IFNGR2: variants seen among roughly 807,000 people sequenced by gnomAD.
The protein encoded by IFNGR2 is IFN-gamma receptor 2.
IFNGR2 carries 15 observed loss-of-function variants against 41.1 expected under a neutral mutation model. The ratio of observed to expected loss-of-function variants is 0.37; its 90% CI spans 0.24 to 0.56. IFNGR2 has a LOEUF of 0.56. Ranked by LOEUF, IFNGR2 falls within the 20% of genes least tolerant of loss-of-function variation. The pLI, the probability that IFNGR2 is intolerant of heterozygous loss-of-function variation, is 0.81. For synonymous variants in IFNGR2, 161 were observed against 171.6 expected (o/e 0.94, Z 0.48); for missense variants, 362 against 415.7 (o/e 0.87, Z 1.12).
chr21:33,407,850 C>A (rs1434399575), intron 1 of IFNGR2, among the ~76,000 whole-genome samples: 7 of 143,456 alleles, frequency 4.9e-5, no homozygotes, highest in African/African-American at 7.8e-5. Flanking sequence ...CACCGCACCC[C>A]CCCCCGCCAA....
intron 4 of IFNGR2, among the ~76,000 whole-genome samples, chr21:33,428,185 G>A (rs979658137): frequency 7.3e-5 from 11 of 149,950 alleles, no homozygotes; most frequent in African/African-American, 1.7e-4. Flanking sequence ...TCTGCCACAC[G>A]CTTTGTATCT....
intron 1 of IFNGR2, among the ~76,000 whole-genome samples, chr21:33,406,222 G>A (rs1011004083): frequency 1.3e-5 from 2 of 151,496 alleles, no homozygotes; most frequent in African/African-American, 2.4e-5. Flanking sequence ...CTAAAACTAC[G>A]AAAATTACCC....
rs2123363970 is a variant in IFNGR2 at position 33,429,984 on chromosome 21, C to T, written c.562-2193C>T. Among the ~76,000 whole-genome samples the T allele has an allele frequency of 1.3e-5, 2 of 152,142 alleles. 1 individual carries two copies. Among genetic ancestry groups the T allele is most frequent in the South Asian group, 4.2e-4 (2 of 4,818 alleles). On this transcript the variant is annotated intron_variant, in intron 4 of 6. Transcript: ENST00000290219. ...TGAAAACCCATCTCTACTAAAAATA[C>T]AAAAATTAGCCAGGCGTGGTGGTGG...
intron 1 of IFNGR2, among the ~76,000 whole-genome samples, chr21:33,410,252 C>T: frequency 6.6e-6 from 1 of 151,248 alleles, no homozygotes; most frequent in East Asian, 1.9e-4. Flanking sequence ...CTGCAGCCTC[C>T]ACCTCCCAGG....
intron 1 of IFNGR2, 44 bp downstream of exon 1, chr21:33,403,660 G>T: frequency 8.0e-7 from 1 of 1,255,920 alleles, no homozygotes. Flanking sequence ...GGGCGCAGCC[G>T]CAGCATGTGG....
At chr21:33,423,165 G>A (rs1205469677) in intron 3 of IFNGR2, among the ~76,000 whole-genome samples, 19 of 144,328 alleles carry the variant, frequency 1.3e-4, no homozygotes, top group Non-Finnish European at 2.6e-4. Flanking sequence ...TCAGCCTCCC[G>A]AGTAGCTGGG....
intron 1 of IFNGR2, 58 bp downstream of exon 1, chr21:33,403,674 C>T: frequency 1.9e-6 from 2 of 1,043,446 alleles, no homozygotes; most frequent in Non-Finnish European, 2.5e-6. Flanking sequence ...CATGTGGGGG[C>T]TGGGGGACTC....
intron 3 of IFNGR2, among the ~76,000 whole-genome samples, chr21:33,425,819 T>TA (rs1215302798): frequency 2.0e-5 from 3 of 152,178 alleles, no homozygotes; most frequent in Non-Finnish European, 4.4e-5. Flanking sequence ...ATCATACACC[T>TA]AACCCTCACC....
At chr21:33,413,220 A>G (rs1324079663) in intron 1 of IFNGR2, among the ~76,000 whole-genome samples, 1 of 152,152 alleles carries the variant, frequency 6.6e-6, no homozygotes, top group Non-Finnish European at 1.5e-5. Flanking sequence ...TTGCTAGGTC[A>G]TAGCAGCCAC....
At chr21:33,405,079 G>C (rs182366470) in intron 1 of IFNGR2, among the ~76,000 whole-genome samples, 1 of 148,624 alleles carries the variant, frequency 6.7e-6, no homozygotes, top group East Asian at 2.0e-4. Flanking sequence ...TCCCGCCTGG[G>C]CGACAGAGCA....
intron 4 of IFNGR2, among the ~76,000 whole-genome samples, chr21:33,429,022 C>A (rs1364728875): frequency 6.6e-6 from 1 of 152,184 alleles, no homozygotes; most frequent in African/African-American, 2.4e-5. Flanking sequence ...GCACACAGAA[C>A]AGGCTTCCAC....
chr21:33,431,512 G>A (rs939733853), intron 4 of IFNGR2, among the ~76,000 whole-genome samples: 7 of 152,206 alleles, frequency 4.6e-5, no homozygotes, highest in Admixed American at 4.6e-4. Context: ...GGAGGTTGCA[G>A]TGAGCCGAGG....
In IFNGR2 at chr21:33,426,793, A is replaced by G. The variant is rs530773732; in HGVS notation, c.413-91A>G. ...CTACACCCACTATATATATATATATACATATATATATAGCATTATATAATA... is the reference window on the plus strand; with the variant it reads ...CTACACCCACTATATATATATATATGCATATATATATAGCATTATATAATA... On this transcript the variant is annotated intron_variant, in intron 3 of 6. Coordinates refer to ENST00000290219, the MANE Select transcript of IFNGR2 (RefSeq NM_005534.4). 57 of 676,322 alleles carry G rather than the reference A, an allele frequency of 8.4e-5. 1 individual carries two copies. Among genetic ancestry groups the G allele is most frequent in the Non-Finnish European group, 1.3e-4 (52 of 411,282 alleles). 41.9% of individuals were successfully genotyped at this position (676,322 alleles called of 1,614,324 possible). A position where few individuals can be genotyped will look rare whatever the true frequency, so the allele number is the denominator to read the frequency against.
Position 33,433,188 on chromosome 21 carries a change from G to A in IFNGR2, c.879+317G>A, listed in dbSNP as rs546035322. On this transcript the variant is annotated intron_variant, in intron 6 of 6. Transcript: ENST00000290219. The stretch of plus-strand genomic sequence containing the variant: ...GGCGGGAGCCACTGCGCCCGGCCAC[G>A]CAGACATCTTAATGGTGACACATCA... Among the ~76,000 whole-genome samples, 76 of 151,996 alleles carry A rather than the reference G, an allele frequency of 5.0e-4. 2 individuals are homozygous for A. The South Asian group carries it at 0.015, about 30-fold the overall frequency.
At chr21:33,419,115 T>G (rs2083773153) in intron 2 of IFNGR2, among the ~76,000 whole-genome samples, 1 of 152,204 alleles carries the variant, frequency 6.6e-6, no homozygotes. Context: ...CTTATTTATT[T>G]ATTTATTTGA....
intron 4 of IFNGR2, 98 bp from the exon 5 acceptor site, chr21:33,432,079 G>T: frequency 1.8e-6 from 2 of 1,107,232 alleles, no homozygotes; most frequent in Non-Finnish European, 2.8e-6. Flanking sequence ...TTCTTCTTTG[G>T]TTGTCGTGTT....
chr21:33,403,611 C>A lies in IFNGR2; in HGVS notation c.68C>A (p.Pro23Gln). Residue 23 changes from proline to glutamine, a missense_variant, in exon 1 of 7, where the codon CCG becomes CAG. By Grantham distance (76) the Pro-to-Gln change is moderately conservative. Coordinates refer to ENST00000290219, the MANE Select transcript of IFNGR2 (RefSeq NM_005534.4). ...GTCTTCGCCGCCGCCGCCGCGGCCC[C>A]GCCAGGTGAGCCGGGCCTGGGCCTC... Reference protein sequence around the residue: ...LGVFAAAAAAPPDPLSQLPAP... With the variant: ...LGVFAAAAAAQPDPLSQLPAP... 1.5e-6 allele frequency: 2 copies of A among 1,363,734 alleles called. No individual in the cohort carries two copies. Among genetic ancestry groups the A allele is most frequent in the South Asian group, 3.3e-5 (2 of 60,704 alleles). The allele number at this position is 1,363,734 out of a possible 1,614,324, so 84.5% of individuals were successfully genotyped here. A position where few individuals can be genotyped will look rare whatever the true frequency, so the allele number is the denominator to read the frequency against.
At chr21:33,406,236 C>T (rs998615762) in intron 1 of IFNGR2, among the ~76,000 whole-genome samples, 2 of 151,700 alleles carry the variant, frequency 1.3e-5, no homozygotes, top group African/African-American at 4.8e-5. Context: ...ATTACCCGGG[C>T]GTGGTGGTTG....
At chr21:33,415,281 C>A (rs540190968) in intron 2 of IFNGR2, among the ~76,000 whole-genome samples, 1 of 152,274 alleles carries the variant, frequency 6.6e-6, no homozygotes, top group South Asian at 2.1e-4. Context: ...TTCATTCTTT[C>A]GCTGGTTTCA....
Sources: allele counts gnomAD v4.1 joint callset (sites outside exome capture counted in the v4.1 genomes callset), GRCh38; gene constraint gnomAD v4.1.1; transcripts MANE v1.5; gene names NCBI Gene and HGNC (gene_info 2026-07-23, HGNC 2026-07-21).